The following SCAPER variants were observed in gnomAD, a reference collection of about 807,000 sequenced individuals.
SCAPER encodes S phase cyclin A-associated protein in the endoplasmic reticulum.
In SCAPER, 98 loss-of-function variants were observed where a neutral mutation model predicts 182.2. The observed-to-expected ratio is 0.54, with a 90% CI of 0.46 to 0.64. The LOEUF (loss-of-function observed/expected upper bound fraction) is 0.64. Ranked by LOEUF, SCAPER falls within the 30% of genes least tolerant of loss-of-function variation. The probability of loss-of-function intolerance (pLI) is 0.00; values close to 1 mark genes in which losing one functional copy is unlikely to be tolerated. For synonymous variants in SCAPER, 605 were observed against 564.6 expected, an observed-to-expected ratio of 1.07 and a Z score of -1.01; for missense variants, 1,432 against 1,690.0, an observed-to-expected ratio of 0.85 and a Z score of 2.68.
At chr15:76,488,818 C>A (rs1004054100) in intron 24 of SCAPER, among the ~76,000 whole-genome samples, 24 of 144,784 alleles carry the variant, frequency 1.7e-4, no homozygotes, top group African/African-American at 2.6e-4. Context: ...CTCTGCCCCC[C>A]AGGTTCAAGC....
intron 25 of SCAPER, among the ~76,000 whole-genome samples, chr15:76,455,458 C>T (rs959785426): frequency 6.6e-6 from 1 of 151,994 alleles, no homozygotes; most frequent in African/African-American, 2.4e-5. Context: ...AAGGTATAAA[C>T]TTTCCTGTAA....
chr15:76,697,506 T>C (rs2058713383), intron 20 of SCAPER, among the ~76,000 whole-genome samples: 1 of 152,254 alleles, frequency 6.6e-6, no homozygotes, highest in Admixed American at 6.5e-5. Flanking sequence ...TATTTCCTTC[T>C]AACCTTTTCT....
Position 76,494,522 on chromosome 15 carries a change from G to GT in SCAPER, c.2954+10336dup, listed in dbSNP as rs950756686. ...TATTTCAGTCTTCCAGCAACTCACA[G>GT]TTTTTTTATATCAATGAAATGATAT... On this transcript the variant is annotated intron_variant, in intron 24 of 31. Transcript: ENST00000563290. Among the ~76,000 whole-genome samples the GT allele has an allele frequency of 1.4e-4, 22 of 152,148 alleles. 1 individual carries two copies. Among genetic ancestry groups the GT allele is most frequent in the African/African-American group, 3.9e-4 (16 of 41,512 alleles).
chr15:76,769,905 G>T (rs945392281), intron 10 of SCAPER, among the ~76,000 whole-genome samples: 2 of 152,086 alleles, frequency 1.3e-5, no homozygotes, highest in African/African-American at 2.4e-5. Context: ...ACACGCACAC[G>T]TATGTTTATT....
intron 22 of SCAPER, among the ~76,000 whole-genome samples, chr15:76,610,686 C>G (rs2050898480): frequency 6.6e-6 from 1 of 151,954 alleles, no homozygotes; most frequent in Non-Finnish European, 1.5e-5. Flanking sequence ...TTTACATTAA[C>G]AAGAAAAACA....
chr15:76,633,322 G>T (rs923811433), intron 21 of SCAPER, among the ~76,000 whole-genome samples: 3 of 152,136 alleles, frequency 2.0e-5, no homozygotes, highest in African/African-American at 7.2e-5. Flanking sequence ...GACCCAGAGG[G>T]GCACCAACCT....
chr15:76,738,453 T>G (rs1359483790), intron 15 of SCAPER, among the ~76,000 whole-genome samples: 1 of 151,108 alleles, frequency 6.6e-6, no homozygotes, highest in Non-Finnish European at 1.5e-5. Flanking sequence ...TAGAGGCCAC[T>G]CGTGAACCCG....
At chr15:76,624,573 T>C (rs1414755619) in intron 21 of SCAPER, among the ~76,000 whole-genome samples, 2 of 152,202 alleles carry the variant, frequency 1.3e-5, no homozygotes, top group African/African-American at 2.4e-5. Context: ...TGTCACCTTA[T>C]GATGTTGCAT....
At chr15:76,535,475 T>A (rs956551694) in intron 23 of SCAPER, among the ~76,000 whole-genome samples, 3 of 126,698 alleles carry the variant, frequency 2.4e-5, no homozygotes, top group Non-Finnish European at 3.1e-5. Context: ...TGAGCTGAGA[T>A]CTCGCCATTG....
intron 12 of SCAPER, 42 bp downstream of exon 12, chr15:76,765,521 T>C (rs975993862): frequency 1.9e-6 from 3 of 1,606,266 alleles, no homozygotes; most frequent in Admixed American, 1.7e-5. Flanking sequence ...GAACAAACTT[T>C]TGAACACTGT....
chr15:76,768,068 A>G (rs1311391236), intron 10 of SCAPER, among the ~76,000 whole-genome samples: 2 of 152,134 alleles, frequency 1.3e-5, no homozygotes, highest in Non-Finnish European at 2.9e-5. Flanking sequence ...ATAAGGCAAA[A>G]ACCTATAGAA....
chr15:76,465,317 T>C (rs1303811737), intron 25 of SCAPER, among the ~76,000 whole-genome samples: 1 of 152,092 alleles, frequency 6.6e-6, no homozygotes, highest in Non-Finnish European at 1.5e-5. Flanking sequence ...AAGGCAGCTC[T>C]CTGGGGCATC....
chr15:76,682,276 CCCACAGT>C (rs2057765234), intron 20 of SCAPER, among the ~76,000 whole-genome samples: 1 of 143,004 alleles, frequency 7.0e-6, no homozygotes, highest in African/African-American at 2.5e-5. Flanking sequence ...CCCCCCCCAC[CCCACAGT>C]GTACGTGTGA....
chr15:76,733,519 A>G, intron 15 of SCAPER, 135 bp from the exon 16 acceptor site: 1 of 1,000,222 alleles, frequency 1.0e-6, no homozygotes, highest in Non-Finnish European at 1.4e-6. Flanking sequence ...GAGGCTGAGG[A>G]AGGCGGATCA....
chr15:76,838,315 C>T (rs1221892437), intron 5 of SCAPER, among the ~76,000 whole-genome samples: 1 of 152,118 alleles, frequency 6.6e-6, no homozygotes, highest in Non-Finnish European at 1.5e-5. Flanking sequence ...AAACCAAGTA[C>T]CAAGCTCTCT....
intron 22 of SCAPER, among the ~76,000 whole-genome samples, chr15:76,614,885 A>T (rs1020153127): frequency 2.6e-5 from 4 of 152,208 alleles, no homozygotes; most frequent in African/African-American, 9.6e-5. Context: ...ATTGACTATG[A>T]AAAGATACTA....
chr15:76,362,232 C>T (rs968403788), intron 29 of SCAPER, among the ~76,000 whole-genome samples: 2 of 151,998 alleles, frequency 1.3e-5, no homozygotes, highest in African/African-American at 4.8e-5. Flanking sequence ...CTCGGCCTCC[C>T]AAAGTGCTGA....
intron 25 of SCAPER, among the ~76,000 whole-genome samples, chr15:76,461,385 T>A (rs1463905634): frequency 6.6e-6 from 1 of 152,022 alleles, no homozygotes; most frequent in Non-Finnish European, 1.5e-5. Context: ...TTTGAGATTA[T>A]GCAAATATCC....
chr15:76,825,751 T>C (rs2067956421), intron 5 of SCAPER, among the ~76,000 whole-genome samples: 1 of 152,124 alleles, frequency 6.6e-6, no homozygotes, highest in African/African-American at 2.4e-5. Context: ...TTTTCTTTTG[T>C]TTTGTTTTTT....
Sources: gnomAD v4.1 joint callset for allele counts (sites outside exome capture counted in the v4.1 genomes callset) on GRCh38, gnomAD v4.1.1 for gene constraint, MANE v1.5 for transcripts, NCBI Gene and HGNC (gene_info 2026-07-23, HGNC 2026-07-21) for gene names.